Variants in FAM81A observed in about 807,000 individuals in gnomAD.
FAM81A encodes protein FAM81A.
FAM81A carries 19 observed loss-of-function variants against 46.7 expected under a neutral mutation model. The observed-to-expected ratio is 0.41, with a 90% CI of 0.28 to 0.60. The LOEUF (loss-of-function observed/expected upper bound fraction) is 0.60. FAM81A is among the 20% of genes least tolerant of loss of function. FAM81A has a pLI of 0.34. For missense variants in FAM81A, 377 were observed against 453.5 expected, an observed-to-expected ratio of 0.83 and a Z score of 1.53; for synonymous variants, 183 against 152.9, an observed-to-expected ratio of 1.20 and a Z score of -1.45.
intron 1 of FAM81A, among the ~76,000 whole-genome samples, chr15:59,439,390 A>ATGTG (rs146816824): frequency 2.1e-5 from 3 of 141,608 alleles, no homozygotes; most frequent in Non-Finnish European, 3.1e-5. Context: ...GCGTGTGTGT[A>ATGTG]TGTGTGTGTG....
intron 2 of FAM81A, among the ~76,000 whole-genome samples, chr15:59,406,616 A>G (rs1217435850): frequency 1.3e-5 from 2 of 152,186 alleles, no homozygotes; most frequent in Non-Finnish European, 2.9e-5. Flanking sequence ...GAACATTTCC[A>G]CTACCCCAAA....
intron 4 of FAM81A, among the ~76,000 whole-genome samples, chr15:59,493,967 C>T (rs1305775287): frequency 2.6e-5 from 4 of 152,094 alleles, no homozygotes; most frequent in African/African-American, 9.7e-5. Flanking sequence ...TCCCTGACAC[C>T]CCCACTCCAT....
At chr15:59,486,711 A>G (rs1205958925) in intron 3 of FAM81A, among the ~76,000 whole-genome samples, 1 of 152,164 alleles carries the variant, frequency 6.6e-6, no homozygotes, top group Non-Finnish European at 1.5e-5. Flanking sequence ...TTGGCAACAG[A>G]CTTGTGGCAT....
Position 59,453,833 on chromosome 15 carries a change from A to C in FAM81A, c.-77-4717A>C, listed in dbSNP as rs145048836. Among the ~76,000 whole-genome samples the C allele has an allele frequency of 8.5e-5, 13 of 152,056 alleles. No homozygotes were observed. In the East Asian group the frequency reaches 2.5e-3, roughly 29 times the overall value. On this transcript the variant is annotated intron_variant, in intron 1 of 8. Transcript: ENST00000288228. ...GGCAAGAGGAGAGAGAGGAATGAGA[A>C]GTGCTAGGTGAATCTCGATACCTCT...
intron 3 of FAM81A, among the ~76,000 whole-genome samples, chr15:59,479,070 G>T (rs1436949961): frequency 6.6e-6 from 1 of 152,180 alleles, no homozygotes; most frequent in East Asian, 1.9e-4. Context: ...TGCAGTAATG[G>T]CCCAAGCACA....
intron 4 of FAM81A, 33 bp downstream of exon 4, chr15:59,492,422 C>A: frequency 1.9e-6 from 3 of 1,546,212 alleles, no homozygotes; most frequent in Non-Finnish European, 2.7e-6. Flanking sequence ...CTCTGCTCAT[C>A]AAAAACCATT....
intron 3 of FAM81A, among the ~76,000 whole-genome samples, chr15:59,487,444 CAATTTAAAA>C (rs1324373683): frequency 2.0e-5 from 3 of 150,020 alleles, no homozygotes; most frequent in Non-Finnish European, 4.4e-5. Flanking sequence ...GAAATGAGAA[CAATTTAAAA>C]AAATCAATGA....
At position 59,522,736 on chromosome 15, in the gene FAM81A, C is replaced by T. The variant is rs1317782669; in HGVS notation, c.*1358C>T. 6.6e-6 allele frequency: 1 copy of T among 152,492 alleles called. No individual in the cohort carries two copies. Among genetic ancestry groups the T allele is most frequent in the Non-Finnish European group, 1.5e-5 (1 of 68,008 alleles). The allele number at this position is 152,492 out of a possible 1,614,324, so 9.4% of individuals were successfully genotyped here. A position where few individuals can be genotyped will look rare whatever the true frequency, so the allele number is the denominator to read the frequency against. ...AAAGAAAAAAATGTTTTTTGTTTGCCAAGGACTCAGGAAAATAAAAAGCAT... is the reference window on the plus strand; with the variant it reads ...AAAGAAAAAAATGTTTTTTGTTTGCTAAGGACTCAGGAAAATAAAAAGCAT... On this transcript the variant is annotated 3_prime_UTR_variant, in exon 9 of 9. Transcript: ENST00000288228.
At chr15:59,479,744 G>C (rs562852377) in intron 3 of FAM81A, among the ~76,000 whole-genome samples, 77 of 152,082 alleles carry the variant, frequency 5.1e-4, no homozygotes, top group Non-Finnish European at 5.6e-4. Flanking sequence ...GGAGTGCTGT[G>C]AGCTGGGGGA....
At chr15:59,503,136 G>C (rs1442001832) in intron 4 of FAM81A, among the ~76,000 whole-genome samples, 13 of 151,310 alleles carry the variant, frequency 8.6e-5, no homozygotes, top group African/African-American at 3.2e-4. Flanking sequence ...CAGCCACTCA[G>C]GAGGCTGAGG....
At chr15:59,427,565 C>G (rs146503680) in intron 2 of FAM81A, among the ~76,000 whole-genome samples, 6 of 152,268 alleles carry the variant, frequency 3.9e-5, no homozygotes, top group Non-Finnish European at 7.4e-5. Flanking sequence ...CACTCTCCTT[C>G]CTAGCATCTG....
At chr15:59,424,751 T>A (rs745934538) in intron 2 of FAM81A, among the ~76,000 whole-genome samples, 52 of 152,252 alleles carry the variant, frequency 3.4e-4, no homozygotes, top group Non-Finnish European at 5.4e-4. Context: ...TGCATTCTAG[T>A]CAAAGTCAGT....
In FAM81A at chr15:59,521,260, C is replaced by T; in HGVS notation, c.989C>T (p.Thr330Ile). 6.2e-7 allele frequency: 1 copy of T among 1,612,980 alleles called. No homozygotes were observed. Among genetic ancestry groups the T allele is most frequent in the Non-Finnish European group, 8.5e-7 (1 of 1,179,422 alleles). The change falls in exon 9 of 9, where the codon ACA becomes ATA. Residue 330 changes from threonine to isoleucine, a missense_variant. Coordinates refer to ENST00000288228, the MANE Select transcript of FAM81A (RefSeq NM_152450.3). ...EMKAEVNAGF[T>I]AVYESIGSLR... ...AATTTACCTCTCCTTCAAGGGTTTACAGCCGTCTATGAAAGCATAGGATCC... is the reference window on the plus strand; with the variant it reads ...AATTTACCTCTCCTTCAAGGGTTTATAGCCGTCTATGAAAGCATAGGATCC...
chr15:59,515,210 C>T (rs1293613042), intron 7 of FAM81A, among the ~76,000 whole-genome samples: 12 of 152,182 alleles, frequency 7.9e-5, no homozygotes, highest in Admixed American at 7.9e-4. Context: ...GCACGCTGCA[C>T]TCCAGCCTGG....
intron 2 of FAM81A, among the ~76,000 whole-genome samples, chr15:59,425,715 T>G (rs1467786482): frequency 6.6e-6 from 1 of 152,248 alleles, no homozygotes; most frequent in Non-Finnish European, 1.5e-5. Flanking sequence ...AGCTTCAAAC[T>G]GCCAGGCTTA....
chr15:59,419,731 G>T (rs370646073), intron 2 of FAM81A, among the ~76,000 whole-genome samples: 1 of 151,998 alleles, frequency 6.6e-6, no homozygotes, highest in African/African-American at 2.4e-5. Flanking sequence ...AAAATTGGCC[G>T]GGCGTGCTGG....
At chr15:59,455,589 C>A (rs1277028596) in intron 1 of FAM81A, among the ~76,000 whole-genome samples, 1 of 152,220 alleles carries the variant, frequency 6.6e-6, no homozygotes, top group African/African-American at 2.4e-5. Context: ...AACCAAGCGA[C>A]CTGCCAGATA....
At chr15:59,485,208 A>G (rs1209588325) in intron 3 of FAM81A, among the ~76,000 whole-genome samples, 1 of 152,178 alleles carries the variant, frequency 6.6e-6, no homozygotes, top group African/African-American at 2.4e-5. Context: ...TAGGGGAAGG[A>G]CACAAGCCTG....
chr15:59,411,572 C>T (rs2081120824), intron 2 of FAM81A, among the ~76,000 whole-genome samples: 1 of 152,194 alleles, frequency 6.6e-6, no homozygotes, highest in Non-Finnish European at 1.5e-5. Context: ...AACTTTCCAT[C>T]TTCTCACCCT....
Sources: gnomAD v4.1 joint callset for allele counts (sites outside exome capture counted in the v4.1 genomes callset) on GRCh38, gnomAD v4.1.1 for gene constraint, MANE v1.5 for transcripts, NCBI Gene and HGNC (gene_info 2026-07-23, HGNC 2026-07-21) for gene names.